The following KMO variants were observed in gnomAD, a reference collection of about 807,000 sequenced individuals.
The protein encoded by KMO is kynurenine 3-monooxygenase.
A neutral mutation model predicts 57.8 loss-of-function variants in KMO; 24 were observed. The ratio of observed to expected loss-of-function variants is 0.42; its 90% CI spans 0.30 to 0.58. The LOEUF is 0.58. KMO is among the 20% of genes least tolerant of loss of function. KMO has a pLI of 0.22. For synonymous variants in KMO, 210 were observed against 193.6 expected, an observed-to-expected ratio of 1.08 and a Z score of -0.70; for missense variants, 483 against 588.2, an observed-to-expected ratio of 0.82 and a Z score of 1.85.
At chr1:241,589,685 C>G (rs1019576090) in intron 12 of KMO, among the ~76,000 whole-genome samples, 6 of 152,210 alleles carry the variant, frequency 3.9e-5, no homozygotes, top group Admixed American at 2.6e-4. Flanking sequence ...CAGGAAGCAA[C>G]AGAAAATTAG....
chr1:241,534,738 T>A (rs750205766), intron 1 of KMO, among the ~76,000 whole-genome samples: 10 of 152,230 alleles, frequency 6.6e-5, no homozygotes, highest in African/African-American at 2.4e-4. Context: ...TTTTCCCTTA[T>A]AGTCCATACT....
At chr1:241,552,713 C>A (rs546874205) in intron 4 of KMO, among the ~76,000 whole-genome samples, 2 of 152,180 alleles carry the variant, frequency 1.3e-5, no homozygotes, top group Non-Finnish European at 2.9e-5. Flanking sequence ...GTGGATGGCA[C>A]GGGCGATAAT....
chr1:241,539,634 G>C (rs1262044352), intron 1 of KMO, among the ~76,000 whole-genome samples: 2 of 152,156 alleles, frequency 1.3e-5, no homozygotes, highest in East Asian at 3.8e-4. Context: ...GCAAGACAAA[G>C]GAAGATTGAG....
intron 10 of KMO, among the ~76,000 whole-genome samples, chr1:241,572,379 T>G (rs1185222152): frequency 1.3e-5 from 2 of 152,098 alleles, no homozygotes; most frequent in Non-Finnish European, 2.9e-5. Flanking sequence ...TAGTTGCTCA[T>G]AATAGTCTCT....
At chr1:241,553,166 G>C (rs1661476108) in intron 4 of KMO, among the ~76,000 whole-genome samples, 1 of 152,098 alleles carries the variant, frequency 6.6e-6, no homozygotes, top group Non-Finnish European at 1.5e-5. Flanking sequence ...TATAGCGCTT[G>C]ACTTGTTTAT....
chr1:241,576,445 AG>A (rs1662522153), intron 10 of KMO, among the ~76,000 whole-genome samples: 1 of 152,066 alleles, frequency 6.6e-6, no homozygotes, highest in African/African-American at 2.4e-5. Flanking sequence ...ATTTCTTGTA[AG>A]GCTCATTAGG....
intron 5 of KMO, among the ~76,000 whole-genome samples, chr1:241,555,984 C>T (rs2147955067): frequency 6.6e-6 from 1 of 152,230 alleles, no homozygotes; most frequent in East Asian, 1.9e-4. Flanking sequence ...ACTCAAGAGC[C>T]TGAGGTGGAA....
At chr1:241,583,085 A>C (rs1662819166) in intron 10 of KMO, among the ~76,000 whole-genome samples, 1 of 152,108 alleles carries the variant, frequency 6.6e-6, no homozygotes, top group South Asian at 2.1e-4. Flanking sequence ...CTAAAGGGAG[A>C]ATTCCTTGGG....
In KMO at chr1:241,594,552, T is replaced by C. The variant is rs746672649; in HGVS notation, c.*2399T>C. On this transcript the variant is annotated 3_prime_UTR_variant, in exon 15 of 15. Transcript: ENST00000366559. ...GGAAGAAGAGTTGAAAGTCACTTTT[T>C]TCTTTGGCCTGTCCCCATCTTTCTG... is the stretch of plus-strand genomic sequence containing the variant. 1 of 1,614,040 alleles carries C rather than the reference T, an allele frequency of 6.2e-7. No individual in the cohort carries two copies. The highest frequency in any genetic ancestry group is 1.3e-5 in the African/African-American group (1 of 74,918).
At chr1:241,551,095 C>A in intron 4 of KMO, 51 bp downstream of exon 4, 1 of 1,032,462 alleles carries the variant, frequency 9.7e-7, no homozygotes, top group Non-Finnish European at 1.5e-6. Context: ...AAGTCAAAGT[C>A]TGGAACTTGC....
Position 241,594,142 on chromosome 1 carries a change from T to C in KMO, c.*1989T>C, listed in dbSNP as rs1427922771. 3.0e-6 allele frequency: 1 copy of C among 333,158 alleles called. No homozygotes were observed. The highest frequency in any genetic ancestry group is 5.4e-6 in the Non-Finnish European group (1 of 184,848). 20.6% of individuals were successfully genotyped at this position (333,158 alleles called of 1,614,324 possible). On this transcript the variant is annotated 3_prime_UTR_variant, in exon 15 of 15. Transcript: ENST00000366559. ...GGAAAATAGAGTAATTTAAAAAATA[T>C]ATTTGAAATGAAAATCTCCAACACA...
chr1:241,559,431 T>TA (rs1339629681), intron 5 of KMO, among the ~76,000 whole-genome samples: 1 of 99,342 alleles, frequency 1.0e-5, no homozygotes, highest in Admixed American at 1.3e-4. Flanking sequence ...TATACTTATG[T>TA]AAAAAATAAA....
At chr1:241,553,736 T>C (rs1573913533) in intron 4 of KMO, among the ~76,000 whole-genome samples, 1 of 152,326 alleles carries the variant, frequency 6.6e-6, no homozygotes, top group African/African-American at 2.4e-5. Context: ...AATTTGAATG[T>C]TTCCTAACAT....
intron 14 of KMO, 157 bp downstream of exon 14, chr1:241,590,420 G>A (rs1055563821): frequency 2.9e-4 from 173 of 595,586 alleles, no homozygotes; most frequent in African/African-American, 2.7e-3. Flanking sequence ...AGAGGGAACA[G>A]TGCTTACTGA....
intron 9 of KMO, 76 bp downstream of exon 9, chr1:241,566,688 T>C (rs903193771): frequency 1.9e-5 from 29 of 1,516,404 alleles, no homozygotes; most frequent in Non-Finnish European, 2.4e-5. Context: ...GCACCTGATT[T>C]CAGTTTGGGT....
chr1:241,590,652 TGGGCAGTTGGCCTA>T (rs1228659458), intron 14 of KMO, among the ~76,000 whole-genome samples: 1 of 152,266 alleles, frequency 6.6e-6, no homozygotes, highest in Non-Finnish European at 1.5e-5. Context: ...ACATCCATTT[TGGGCAGTTGGCCTA>T]GAGAAGCCAT....
intron 5 of KMO, chr1:241,555,884 G>A (rs149048642): frequency 1.5e-4 from 55 of 374,844 alleles, no homozygotes; most frequent in African/African-American, 1.0e-3. Flanking sequence ...CCAGGAATTT[G>A]AGACCCGCCT....
chr1:241,555,288 C>T (rs1016023090), intron 4 of KMO, among the ~76,000 whole-genome samples: 4 of 152,150 alleles, frequency 2.6e-5, no homozygotes, highest in Admixed American at 2.0e-4. Context: ...GAGACCTAAG[C>T]TGAAAATATT....
rs541630410 is a variant in KMO at position 241,556,707 on chromosome 1, G to C, written c.361+1047G>C. On this transcript the variant is annotated intron_variant, in intron 5 of 14. Transcript: ENST00000366559. Reference sequence around the variant, plus strand: ...AGCCTGGCCAATATGGTGAAACCCTGTATCTACTAAAAATACAAAAAGAAA... The same window carrying C: ...AGCCTGGCCAATATGGTGAAACCCTCTATCTACTAAAAATACAAAAAGAAA... Among the ~76,000 whole-genome samples, 3 of 152,066 alleles carry C rather than the reference G, an allele frequency of 2.0e-5. No homozygotes were observed. In the South Asian group the frequency reaches 6.2e-4, roughly 32 times the overall value.
Sources: allele counts gnomAD v4.1 joint callset (sites outside exome capture counted in the v4.1 genomes callset), GRCh38; gene constraint gnomAD v4.1.1; transcripts MANE v1.5; gene names NCBI Gene and HGNC (gene_info 2026-07-23, HGNC 2026-07-21).